The following PKP4 variants were observed in gnomAD, a reference collection of about 807,000 sequenced individuals.
The protein encoded by PKP4 is plakophilin-4.
A neutral mutation model predicts 145.1 loss-of-function variants in PKP4; 90 were observed. That is an observed-to-expected ratio of 0.62 (90% CI 0.52 to 0.74). The LOEUF is 0.74. Among genes scored for constraint, PKP4 ranks in the 30% least tolerant of loss-of-function variants. The probability of loss-of-function intolerance (pLI) is 0.00; values close to 1 mark genes in which losing one functional copy is unlikely to be tolerated. For missense variants in PKP4, 1,340 were observed against 1,482.7 expected (o/e 0.90, Z 1.58); for synonymous variants, 563 against 577.2 (o/e 0.98, Z 0.35).
intron 1 of PKP4, among the ~76,000 whole-genome samples, chr2:158,498,772 T>C (rs372478827): frequency 1.3e-5 from 2 of 152,096 alleles, no homozygotes; most frequent in Non-Finnish European, 1.5e-5. Context: ...TTTGTTCATA[T>C]AATACTGTTG....
At chr2:158,474,085 T>A (rs749460211) in intron 1 of PKP4, among the ~76,000 whole-genome samples, 2 of 152,202 alleles carry the variant, frequency 1.3e-5, no homozygotes, top group African/African-American at 2.4e-5. Flanking sequence ...AACTCAAAGA[T>A]GACCAGAACA....
intron 1 of PKP4, among the ~76,000 whole-genome samples, chr2:158,487,104 G>A (rs1344512645): frequency 2.0e-5 from 3 of 152,162 alleles, no homozygotes; most frequent in African/African-American, 7.2e-5. Context: ...GGACAGAGAA[G>A]TAGTGGCCAG....
At chr2:158,564,376 T>A (rs1230246376) in intron 2 of PKP4, among the ~76,000 whole-genome samples, 1 of 152,206 alleles carries the variant, frequency 6.6e-6, no homozygotes, top group Non-Finnish European at 1.5e-5. Flanking sequence ...AAGGATATAG[T>A]ATGCTGTAGA....
At chr2:158,579,901 T>C (rs1029157835) in intron 3 of PKP4, among the ~76,000 whole-genome samples, 2 of 152,014 alleles carry the variant, frequency 1.3e-5, no homozygotes, top group Non-Finnish European at 2.9e-5. Flanking sequence ...TGCATAATAA[T>C]TAAATAGTAC....
intron 10 of PKP4, among the ~76,000 whole-genome samples, chr2:158,642,182 CA>C (rs1363786191): frequency 6.6e-6 from 1 of 152,112 alleles, no homozygotes; most frequent in Non-Finnish European, 1.5e-5. Flanking sequence ...CCTCAACACC[CA>C]GCTAAGTTTT....
At chr2:158,496,699 A>C (rs1302480113) in intron 1 of PKP4, among the ~76,000 whole-genome samples, 1 of 151,712 alleles carries the variant, frequency 6.6e-6, no homozygotes, top group Non-Finnish European at 1.5e-5. Context: ...CTGACTGAGA[A>C]ATTTGAGAGT....
chr2:158,557,215 G>A (rs897959388), intron 2 of PKP4, among the ~76,000 whole-genome samples: 1 of 152,130 alleles, frequency 6.6e-6, no homozygotes, highest in African/African-American at 2.4e-5. Context: ...GAAAGCCTTA[G>A]TATATACTAT....
chr2:158,575,743 T>C (rs922640917), intron 2 of PKP4, among the ~76,000 whole-genome samples: 1 of 151,726 alleles, frequency 6.6e-6, no homozygotes, highest in African/African-American at 2.4e-5. Flanking sequence ...TGGGAAAAGA[T>C]GCATATAATG....
chr2:158,656,751 G>A (rs560584795), intron 11 of PKP4, among the ~76,000 whole-genome samples: 2 of 152,270 alleles, frequency 1.3e-5, no homozygotes, highest in Non-Finnish European at 2.9e-5. Flanking sequence ...CAGTCCTCAC[G>A]CAGTTTAGAG....
rs191947336 is a variant in PKP4, at chr2:158,555,347, T to C, written c.133-21924T>C. On this transcript the variant is annotated intron_variant, in intron 2 of 21. Coordinates refer to ENST00000389759, the MANE Select transcript of PKP4 (RefSeq NM_003628.6). ...ACCACCTTTCCCATACATGTGTATA[T>C]TAAAGAAATGTTAGCTCATCTTAAT... 1.4e-3 allele frequency among the ~76,000 whole-genome samples: 217 copies of C among 152,372 alleles called. 1 individual carries two copies. The highest frequency in any genetic ancestry group is 0.014 in the Middle Eastern group (4 of 294).
Position 158,632,218 on chromosome 2 carries a change from C to T in PKP4, c.1342+277C>T, listed in dbSNP as rs151128916. Among the ~76,000 whole-genome samples the T allele has an allele frequency of 4.8e-3, 738 of 152,302 alleles. 2 individuals carry two copies. The highest frequency in any genetic ancestry group is 0.016 in the African/African-American group (670 of 41,570). ...GTAAAACTGTAAATCTGACTCTCCT[C>T]GGGTTAGATGCATATTCAGTATCAA... is the stretch of plus-strand genomic sequence containing the variant. On this transcript the variant is annotated intron_variant, in intron 8 of 21. Transcript: ENST00000389759.
At chr2:158,629,774 G>T (rs534917647) in intron 7 of PKP4, among the ~76,000 whole-genome samples, 1 of 151,926 alleles carries the variant, frequency 6.6e-6, no homozygotes, top group Non-Finnish European at 1.5e-5. Context: ...GCAGTGGCGC[G>T]ATCTCGGCTC....
chr2:158,543,450 G>A (rs936642102), intron 2 of PKP4, among the ~76,000 whole-genome samples: 3 of 152,152 alleles, frequency 2.0e-5, no homozygotes, highest in East Asian at 1.9e-4. Flanking sequence ...GTCTTATGTC[G>A]GGGGAAGAGA....
rs1375629374 is a variant in PKP4 at position 158,663,305 on chromosome 2, A to C, written c.2437A>C (p.Lys813Gln). 10 of 1,613,882 alleles carry C rather than the reference A, an allele frequency of 6.2e-6. No individual in the cohort carries two copies. The highest frequency in any genetic ancestry group is 8.5e-6 in the Non-Finnish European group (10 of 1,180,000). ...DGVGPIPGLS[K>Q]SPKGVEMLWH... is the part of the protein sequence containing the mutation. Reference sequence around the variant, plus strand: ...AGTTGGTCCTATCCCAGGACTGTCGAAGTCCCCCAAAGGGGTTGAGATGCT... The same window carrying C: ...AGTTGGTCCTATCCCAGGACTGTCGCAGTCCCCCAAAGGGGTTGAGATGCT... Residue 813 changes from lysine (K) to glutamine (Q), a missense_variant, in exon 15 of 22, where the codon AAG (lysine) becomes CAG (glutamine). Lys to Gln is a moderately conservative substitution (Grantham distance 53). Coordinates refer to ENST00000389759, the MANE Select transcript of PKP4 (RefSeq NM_003628.6).
chr2:158,529,143 T>G (rs2043278978), intron 1 of PKP4, among the ~76,000 whole-genome samples: 2 of 152,190 alleles, frequency 1.3e-5, no homozygotes, highest in South Asian at 4.1e-4. Context: ...ATTTTAAGCA[T>G]TTTACCATTA....
intron 1 of PKP4, among the ~76,000 whole-genome samples, chr2:158,459,960 G>T (rs1362679177): frequency 6.6e-6 from 1 of 152,240 alleles, no homozygotes; most frequent in Non-Finnish European, 1.5e-5. Context: ...GAAAATAACC[G>T]AAATTGTATT....
At chr2:158,517,968 A>C (rs772747219) in intron 1 of PKP4, among the ~76,000 whole-genome samples, 1 of 152,224 alleles carries the variant, frequency 6.6e-6, no homozygotes, top group Non-Finnish European at 1.5e-5. Context: ...TATTATACTG[A>C]AAAAATAAGT....
intron 1 of PKP4, among the ~76,000 whole-genome samples, chr2:158,492,710 ACTT>A (rs1332897366): frequency 6.6e-6 from 1 of 152,042 alleles, no homozygotes; most frequent in Non-Finnish European, 1.5e-5. Context: ...GACTCTTACT[ACTT>A]AAGTTCTGTT....
intron 8 of PKP4, among the ~76,000 whole-genome samples, chr2:158,633,421 G>A (rs962827385): frequency 6.6e-6 from 1 of 152,212 alleles, no homozygotes; most frequent in African/African-American, 2.4e-5. Context: ...CAGACTAGTA[G>A]CATCTATAGC....
Sources: gnomAD v4.1 joint callset for allele counts (sites outside exome capture counted in the v4.1 genomes callset) on GRCh38, gnomAD v4.1.1 for gene constraint, MANE v1.5 for transcripts, NCBI Gene and HGNC (gene_info 2026-07-23, HGNC 2026-07-21) for gene names.